Variants in ANKFY1 observed in about 807,000 individuals in gnomAD.
The protein encoded by ANKFY1 is ankyrin repeat and FYVE domain containing 1.
In ANKFY1, 47 loss-of-function variants were observed where a neutral mutation model predicts 128.3. The ratio of observed to expected loss-of-function variants is 0.37; its 90% CI spans 0.29 to 0.47. The LOEUF (loss-of-function observed/expected upper bound fraction) is 0.47, where lower values mean the gene tolerates loss of function less well. Ranked by LOEUF, ANKFY1 falls within the 20% of genes least tolerant of loss-of-function variation. The probability of loss-of-function intolerance (pLI) is 1.00; values close to 1 mark genes in which losing one functional copy is unlikely to be tolerated. For missense variants in ANKFY1, 1,222 were observed against 1,510.6 expected (o/e 0.81, Z 3.17); for synonymous variants, 553 against 601.6 (o/e 0.92, Z 1.18).
At chr17:4,205,243 C>A (rs1254533085) in intron 7 of ANKFY1, among the ~76,000 whole-genome samples, 1 of 152,192 alleles carries the variant, frequency 6.6e-6, no homozygotes, top group African/African-American at 2.4e-5. Flanking sequence ...ACCATCCCTC[C>A]ACAAAACTAA....
At chr17:4,221,721 G>A (rs2060316678) in intron 3 of ANKFY1, among the ~76,000 whole-genome samples, 1 of 151,988 alleles carries the variant, frequency 6.6e-6, no homozygotes, top group African/African-American at 2.4e-5. Flanking sequence ...CAATTCAAGC[G>A]ATTCTCCTGC....
At chr17:4,173,328 G>A in intron 21 of ANKFY1, 26 bp downstream of exon 21, 3 of 1,607,796 alleles carry the variant, frequency 1.9e-6, no homozygotes, top group Non-Finnish European at 2.6e-6. Flanking sequence ...GGCGCCGCGG[G>A]GCCTACTCGG....
At chr17:4,189,643 G>GAGTAGGCCCACGCCAGAC (rs2059677828) in intron 10 of ANKFY1, among the ~76,000 whole-genome samples, 164 bp from the exon 11 acceptor site, 19 of 138,784 alleles carry the variant, frequency 1.4e-4, no homozygotes, top group African/African-American at 4.7e-4. Flanking sequence ...CCACGCCAGA[G>GAGTAGGCCCACGCCAGAC]AGTAGGCCCA....
chr17:4,248,362 G>A (rs572390042), intron 1 of ANKFY1, among the ~76,000 whole-genome samples: 36 of 152,312 alleles, frequency 2.4e-4, no homozygotes, highest in South Asian at 2.1e-3. Flanking sequence ...TGCTCCTTAT[G>A]AGACTCCAGT....
intron 3 of ANKFY1, among the ~76,000 whole-genome samples, chr17:4,230,458 G>A (rs147711289): frequency 7.3e-4 from 111 of 152,264 alleles, no homozygotes; most frequent in Non-Finnish European, 1.3e-3. Context: ...CTGGTAAAGT[G>A]CTACAGAGAG....
chr17:4,179,582 T>C (rs775638727), intron 17 of ANKFY1, 139 bp downstream of exon 17: 4 of 1,116,874 alleles, frequency 3.6e-6, no homozygotes, highest in Non-Finnish European at 5.1e-6. Context: ...CCTGAAATCA[T>C]GAACGCTGCT....
At chr17:4,212,294 C>A (rs932018312) in intron 4 of ANKFY1, among the ~76,000 whole-genome samples, 3 of 152,208 alleles carry the variant, frequency 2.0e-5, no homozygotes, top group Non-Finnish European at 4.4e-5. Context: ...GTGGACAGAG[C>A]AAGATAAACA....
chr17:4,223,398 C>A (rs138734626), intron 3 of ANKFY1: 3 of 1,567,000 alleles, frequency 1.9e-6, no homozygotes, highest in South Asian at 2.2e-5. Flanking sequence ...CTGGCCAGAA[C>A]GGAAGTCATC....
At chr17:4,233,037 A>T (rs761113687) in intron 3 of ANKFY1, among the ~76,000 whole-genome samples, 11 of 152,060 alleles carry the variant, frequency 7.2e-5, no homozygotes, top group Non-Finnish European at 1.0e-4. Context: ...TTCACAGCTC[A>T]GCTGCCTAAC....
chr17:4,228,217 T>C (rs571847767), intron 3 of ANKFY1, among the ~76,000 whole-genome samples: 3 of 152,282 alleles, frequency 2.0e-5, no homozygotes, highest in South Asian at 4.1e-4. Flanking sequence ...TGTCAAAATC[T>C]ATATGCTAAA....
chr17:4,170,235 A>G (rs1297564369), intron 23 of ANKFY1, among the ~76,000 whole-genome samples: 1 of 152,232 alleles, frequency 6.6e-6, no homozygotes, highest in African/African-American at 2.4e-5. Flanking sequence ...CACTCGAGAC[A>G]TTCTGATTCT....
chr17:4,184,000 G>T, intron 12 of ANKFY1, 90 bp from the exon 13 acceptor site: 1 of 1,088,294 alleles, frequency 9.2e-7, no homozygotes, highest in Non-Finnish European at 1.4e-6. Flanking sequence ...CAAACTGCCT[G>T]TTGGGTATAA....
chr17:4,187,410 A>G, intron 11 of ANKFY1: 2 of 396,962 alleles, frequency 5.0e-6, no homozygotes, highest in Non-Finnish European at 8.9e-6. Context: ...CAGCCATCCC[A>G]GGCAGTTTTC....
chr17:4,260,968 C>CT (rs1024160355), intron 1 of ANKFY1, among the ~76,000 whole-genome samples: 31 of 152,164 alleles, frequency 2.0e-4, no homozygotes, highest in African/African-American at 7.5e-4. Flanking sequence ...ATTTAAATAA[C>CT]TGTCTCCAAA....
intron 12 of ANKFY1, among the ~76,000 whole-genome samples, chr17:4,184,221 G>A (rs894991176): frequency 1.3e-5 from 2 of 152,124 alleles, no homozygotes; most frequent in East Asian, 1.9e-4. Flanking sequence ...TTCCTAGAAC[G>A]CAATCTTAAA....
At chr17:4,257,015 G>C (rs978599516) in intron 1 of ANKFY1, among the ~76,000 whole-genome samples, 4 of 152,150 alleles carry the variant, frequency 2.6e-5, no homozygotes, top group Admixed American at 2.6e-4. Flanking sequence ...TCACCACATA[G>C]AAGTATACTG....
At position 4,209,854 on chromosome 17, in the gene ANKFY1, G is replaced by C. The variant is rs1161710955; in HGVS notation, c.552C>G (p.Asn184Lys). The C allele has an allele frequency of 2.5e-6, 4 of 1,613,852 alleles. No individual in the cohort carries two copies. Among genetic ancestry groups the C allele is most frequent in the African/African-American group, 1.3e-5 (1 of 74,928 alleles). ...AEELNASTLM[N>K]YCAEIIASHW... ...GACTTGCAATAATTTCTGCACAGTA[G>C]TTCATCAGTGTGCTGGCATTCAGCT... The change falls in exon 5 of 25, where the codon AAC (asparagine) becomes AAG (lysine). Residue 184 changes from asparagine to lysine, a missense_variant. Physicochemically the swap from Asn to Lys is moderately conservative, Grantham distance 94. Transcript: ENST00000341657.
At position 4,185,065 on chromosome 17, in the gene ANKFY1, C is replaced by T. The variant is rs1242040558; in HGVS notation, c.1471-19G>A. On this transcript the variant is annotated intron_variant, in intron 11 of 24. Coordinates refer to ENST00000341657, the MANE Select transcript of ANKFY1 (RefSeq NM_001330063.2). The stretch of plus-strand genomic sequence containing the variant: ...TTTCTCCCTGAATGGAAACAAATGG[C>T]CGAAATCTGAGCACTCACAGGAATT... 1 of 1,602,814 alleles carries T rather than the reference C, an allele frequency of 6.2e-7. No homozygotes were observed. Among genetic ancestry groups the T allele is most frequent in the Non-Finnish European group, 8.5e-7 (1 of 1,175,374 alleles).
chr17:4,226,149 A>G (rs1238924640), intron 3 of ANKFY1, among the ~76,000 whole-genome samples: 3 of 152,226 alleles, frequency 2.0e-5, no homozygotes, highest in Admixed American at 6.5e-5. Context: ...TAAAAATTAT[A>G]TGCAGAAAAA....
Sources: allele counts gnomAD v4.1 joint callset (sites outside exome capture counted in the v4.1 genomes callset), GRCh38; gene constraint gnomAD v4.1.1; transcripts MANE v1.5; gene names NCBI Gene and HGNC (gene_info 2026-07-23, HGNC 2026-07-21).